Variants in INSL6 observed in about 807,000 individuals in gnomAD.
INSL6 encodes the protein insulin-like peptide INSL6.
A neutral mutation model predicts 9.4 loss-of-function variants in INSL6; 16 were observed. The ratio of observed to expected loss-of-function variants is 1.70; its 90% confidence interval spans 1.15 to 2.59. INSL6 has a LOEUF of 2.59. Among genes scored for constraint, INSL6 ranks in the 30% most tolerant of loss-of-function variants. INSL6 has a pLI of 0.00. For missense variants in INSL6, 391 were observed against 257.3 expected (o/e 1.52, Z -3.56); for synonymous variants, 154 against 96.9 (o/e 1.59, Z -3.46).
downstream of INSL6, chr9:5,122,989 T>C: frequency 8.5e-6 from 13 of 1,522,324 alleles, no homozygotes; most frequent in African/African-American, 1.4e-5. Flanking sequence ...TTAAATGTTA[T>C]TCATATATTT....
chr9:5,185,597 CG>C lies in INSL6; in HGVS notation c.5del (p.Pro2ArgfsTer22). The C allele has an allele frequency of 6.2e-7, 1 of 1,611,788 alleles. No homozygotes were observed. The highest frequency in any genetic ancestry group is 8.5e-7 in the Non-Finnish European group (1 of 1,179,524). On this transcript the variant is annotated frameshift_variant, in exon 1 of 2. Coordinates refer to ENST00000381641, the MANE Select transcript of INSL6 (RefSeq NM_007179.3). LOFTEE classifies it high-confidence loss of function. The stretch of plus-strand genomic sequence containing the variant: ...ACAGCAGGGACAAGCGGAGGAGCCG[CG>C]GCATCCCTGTGACCCCAGGCTAGTC... M[P>X]RLLRLSLLWL...
chr9:5,011,795 C>T, the INSL6 span, among the ~76,000 whole-genome samples: 51,669 of 151,974 alleles, frequency 0.34, 9,455 homozygotes, highest in African/African-American at 0.48. Context: ...TACTAGCAGA[C>T]CAACTTGATC....
intron 3 of INSL6, chr9:5,126,974 A>G (rs927223949): frequency 2.5e-5 from 9 of 362,576 alleles, no homozygotes; most frequent in Admixed American, 4.7e-5. Flanking sequence ...TGAGGCCACC[A>G]GTAAAAGACA....
chr9:5,166,119 A>G (rs1825044570), intron 1 of INSL6, among the ~76,000 whole-genome samples: 1 of 152,244 alleles, frequency 6.6e-6, no homozygotes, highest in Non-Finnish European at 1.5e-5. Flanking sequence ...GAAGGATTCT[A>G]TGAGGTTTGT....
the INSL6 span, chr9:5,113,452 C>CTT: frequency 6.9e-6 from 1 of 144,300 alleles, no homozygotes; most frequent in South Asian, 2.2e-4. Context: ...AAAAAAAACC[C>CTT]GGACTGACCT....
chr9:5,097,238 C>G, the INSL6 span: 1 of 152,200 alleles, frequency 6.6e-6, no homozygotes, highest in Non-Finnish European at 1.5e-5. Flanking sequence ...TTACAGCAAT[C>G]CTACTCCTTT....
At chr9:5,085,117 T>G in the INSL6 span, 2 of 651,670 alleles carry the variant, frequency 3.1e-6, no homozygotes, top group Non-Finnish European at 5.9e-6. Flanking sequence ...GTAGGTTGTT[T>G]GTTTTACACC....
At chr9:5,106,179 T>C in the INSL6 span, among the ~76,000 whole-genome samples, 8 of 151,880 alleles carry the variant, frequency 5.3e-5, no homozygotes, top group African/African-American at 1.9e-4. Flanking sequence ...AGGGCTAATA[T>C]CCAAAATCTA....
the INSL6 span, among the ~76,000 whole-genome samples, chr9:5,093,770 AG>A: frequency 6.6e-6 from 1 of 152,178 alleles, no homozygotes; most frequent in Non-Finnish European, 1.5e-5. Flanking sequence ...TATCAATAAT[AG>A]GGTTTACGAC....
the INSL6 span, chr9:5,100,045 A>G: frequency 1.3e-5 from 2 of 152,374 alleles, no homozygotes; most frequent in Non-Finnish European, 1.5e-5. Context: ...AACAGCCAAC[A>G]TTATAGTCAG....
the INSL6 span, among the ~76,000 whole-genome samples, chr9:5,106,192 A>C: frequency 4.6e-5 from 7 of 152,202 alleles, no homozygotes; most frequent in African/African-American, 9.7e-5. Flanking sequence ...AAAATCTACA[A>C]AGAAATTTAC....
At chr9:5,171,507 A>T (rs1396244320) in intron 1 of INSL6, among the ~76,000 whole-genome samples, 15 of 152,188 alleles carry the variant, frequency 9.9e-5, no homozygotes. Context: ...GAAAGAAATA[A>T]AGGGTATTCA....
the INSL6 span, among the ~76,000 whole-genome samples, chr9:5,075,706 T>C: frequency 1.3e-5 from 2 of 152,326 alleles, no homozygotes; most frequent in Admixed American, 1.3e-4. Context: ...TTCATGTTAT[T>C]TTCAGGCCTG....
chr9:5,172,486 T>C (rs1226517539), intron 1 of INSL6, among the ~76,000 whole-genome samples: 1 of 152,214 alleles, frequency 6.6e-6, no homozygotes, highest in Non-Finnish European at 1.5e-5. Context: ...AAAGAACTTC[T>C]GCACAGCAAA....
chr9:5,030,573 C>T, the INSL6 span, among the ~76,000 whole-genome samples: 1 of 152,070 alleles, frequency 6.6e-6, no homozygotes, highest in Non-Finnish European at 1.5e-5. Context: ...AGTAATATTA[C>T]TCAAATTTAT....
chr9:5,050,506 A>T, the INSL6 span, among the ~76,000 whole-genome samples: 1 of 152,190 alleles, frequency 6.6e-6, no homozygotes, highest in Non-Finnish European at 1.5e-5. Flanking sequence ...CCTGGGCTCA[A>T]GTGATCTTCA....
chr9:5,060,661 T>C, the INSL6 span, among the ~76,000 whole-genome samples: 1 of 152,328 alleles, frequency 6.6e-6, no homozygotes. Flanking sequence ...ACTTCCTCCA[T>C]TGAAGTCGTG....
chr9:5,069,285 GATTTCA>G, the INSL6 span: 2 of 876,452 alleles, frequency 2.3e-6, no homozygotes, highest in Non-Finnish European at 3.5e-6. Context: ...TCAGTACATT[GATTTCA>G]AAGGATATAT....
At chr9:5,086,886 A>G in the INSL6 span, among the ~76,000 whole-genome samples, 10 of 152,304 alleles carry the variant, frequency 6.6e-5, no homozygotes, top group South Asian at 1.0e-3. Flanking sequence ...TTAAATGTTC[A>G]TATCTTTTAA....
Sources: allele counts gnomAD v4.1 joint callset (sites outside exome capture counted in the v4.1 genomes callset), GRCh38; gene constraint gnomAD v4.1.1; transcripts MANE v1.5; gene names NCBI Gene and HGNC (gene_info 2026-07-23, HGNC 2026-07-21).